Variants in ZNRF3 observed in about 807,000 individuals in gnomAD.
ZNRF3 encodes E3 ubiquitin-protein ligase ZNRF3.
A neutral mutation model predicts 72.5 loss-of-function variants in ZNRF3; 23 were observed. That is an observed-to-expected ratio of 0.32 (90% CI 0.23 to 0.45). The LOEUF is 0.45. Among genes scored for constraint, ZNRF3 ranks in the 20% least tolerant of loss-of-function variants. The probability of loss-of-function intolerance (pLI) is 1.00; values close to 1 mark genes in which losing one functional copy is unlikely to be tolerated. For missense variants in ZNRF3, 1,169 were observed against 1,272.1 expected (o/e 0.92, Z 1.23); for synonymous variants, 610 against 545.3 (o/e 1.12, Z -1.65).
At chr22:29,005,954 A>C (rs1197798689) in intron 2 of ZNRF3, among the ~76,000 whole-genome samples, 2 of 151,764 alleles carry the variant, frequency 1.3e-5, no homozygotes, top group Non-Finnish European at 1.5e-5. Flanking sequence ...GAATCGCTTG[A>C]ACCCTGGAGG....
Position 29,054,217 on chromosome 22 carries a change from T to C in ZNRF3, c.*595T>C, listed in dbSNP as rs1439230602. 1 of 152,490 alleles carries C rather than the reference T, an allele frequency of 6.6e-6. No individual in the cohort carries two copies. Among genetic ancestry groups the C allele is most frequent in the African/African-American group, 2.4e-5 (1 of 41,554 alleles). 9.4% of individuals were successfully genotyped at this position (152,490 alleles called of 1,614,324 possible). A position where few individuals can be genotyped will look rare whatever the true frequency, so the allele number is the denominator to read the frequency against. On this transcript the variant is annotated 3_prime_UTR_variant, in exon 9 of 9. Transcript: ENST00000544604. Reference sequence around the variant, plus strand: ...CTTTCTTTCTCGTGGCAAATCCCAATGTACACGATTTCAGGTCTCAGACGC... The same window carrying C: ...CTTTCTTTCTCGTGGCAAATCCCAACGTACACGATTTCAGGTCTCAGACGC...
chr22:28,987,901 C>G (rs545901319), intron 2 of ZNRF3, among the ~76,000 whole-genome samples: 1 of 152,272 alleles, frequency 6.6e-6, no homozygotes, highest in Admixed American at 6.5e-5. Flanking sequence ...AGATGAGATG[C>G]AAACGCCTCA....
chr22:28,991,053 G>T lies in ZNRF3; in HGVS notation c.426+3852G>T, dbSNP rs187690005. On this transcript the variant is annotated intron_variant, in intron 2 of 8. Coordinates refer to ENST00000544604, the MANE Select transcript of ZNRF3 (RefSeq NM_001206998.2). ...TCCTAGTACTGTGGGAGGCTGAGGCGCGCCGATTGCATGAGCTCAGGGATT... is the reference window on the plus strand; with the variant it reads ...TCCTAGTACTGTGGGAGGCTGAGGCTCGCCGATTGCATGAGCTCAGGGATT... Among the ~76,000 whole-genome samples the T allele has an allele frequency of 1.0e-3, 154 of 151,954 alleles. 2 individuals are homozygous for T. Among genetic ancestry groups the T allele is most frequent in the Non-Finnish European group, 1.8e-3 (120 of 67,962 alleles).
intron 1 of ZNRF3, among the ~76,000 whole-genome samples, chr22:28,901,635 CTTTT>C (rs132532): frequency 6.7e-5 from 5 of 74,802 alleles, no homozygotes; most frequent in East Asian, 3.8e-4. Context: ...ATGGATGGAC[CTTTT>C]TTTTTTTTTT....
intron 2 of ZNRF3, among the ~76,000 whole-genome samples, chr22:28,990,727 C>G (rs1347047124): frequency 3.9e-5 from 6 of 152,032 alleles, no homozygotes; most frequent in Non-Finnish European, 7.4e-5. Flanking sequence ...TTAAACCATC[C>G]CCAAAGCAAA....
chr22:29,024,751 C>T (rs1256840212), intron 2 of ZNRF3, among the ~76,000 whole-genome samples: 1 of 151,894 alleles, frequency 6.6e-6, no homozygotes, highest in Non-Finnish European at 1.5e-5. Context: ...CAGGACTGGG[C>T]CTTGGTGTAG....
chr22:28,960,120 A>G (rs1342090985), intron 1 of ZNRF3, among the ~76,000 whole-genome samples: 2 of 152,198 alleles, frequency 1.3e-5, no homozygotes, highest in Admixed American at 6.5e-5. Context: ...GTCATTTTCA[A>G]GGTGTTCTGT....
In ZNRF3 at chr22:29,050,859, C is replaced by T. The variant is rs1212294877; in HGVS notation, c.2678C>T (p.Pro893Leu). ...AGGGCCCTACTGCGGCCTGGCTGCC[C>T]TCCGGAGGAGGCGGGTGCTGTCAGG... The part of the protein sequence containing the change: ...QARALLRPGC[P>L]PEEAGAVRAN... Residue 893 changes from proline to leucine, a missense_variant, in exon 8 of 9, where the codon CCT becomes CTT. Pro to Leu is a moderately conservative substitution (Grantham distance 98). Transcript: ENST00000544604. 1.9e-6 allele frequency: 3 copies of T among 1,601,696 alleles called. No individual in the cohort carries two copies. Among genetic ancestry groups the T allele is most frequent in the African/African-American group, 2.7e-5 (2 of 74,726 alleles).
intron 1 of ZNRF3, among the ~76,000 whole-genome samples, chr22:28,892,247 G>C (rs2033901707): frequency 6.6e-6 from 1 of 152,232 alleles, no homozygotes; most frequent in Non-Finnish European, 1.5e-5. Context: ...GAACACAAGA[G>C]TAAGACTTGG....
intron 1 of ZNRF3, among the ~76,000 whole-genome samples, chr22:28,978,835 C>T (rs1439515564): frequency 6.6e-6 from 1 of 152,046 alleles, no homozygotes; most frequent in Non-Finnish European, 1.5e-5. Context: ...ATTTATTGAC[C>T]TCCTCCTGTA....
intron 2 of ZNRF3, among the ~76,000 whole-genome samples, chr22:29,014,175 G>C (rs2036393277): frequency 6.6e-6 from 1 of 152,114 alleles, no homozygotes; most frequent in African/African-American, 2.4e-5. Flanking sequence ...ACAACAGCAA[G>C]GATCCCAGCC....
At chr22:29,045,583 G>A (rs1436240947) in intron 5 of ZNRF3, among the ~76,000 whole-genome samples, 2 of 152,070 alleles carry the variant, frequency 1.3e-5, no homozygotes, top group East Asian at 3.9e-4. Context: ...CCACCTCCCG[G>A]GGTCAACTGA....
At chr22:28,928,084 G>A (rs1262500856) in intron 1 of ZNRF3, among the ~76,000 whole-genome samples, 2 of 152,190 alleles carry the variant, frequency 1.3e-5, no homozygotes, top group Admixed American at 1.3e-4. Context: ...ACAGTTTAGA[G>A]CCAGTGGATA....
chr22:28,958,742 C>G (rs1247195833), intron 1 of ZNRF3, among the ~76,000 whole-genome samples: 1 of 152,194 alleles, frequency 6.6e-6, no homozygotes, highest in East Asian at 1.9e-4. Flanking sequence ...TCCTTGTGTA[C>G]CAATCACCCA....
In ZNRF3 at chr22:29,050,596, T is replaced by C. The variant is rs779174815; in HGVS notation, c.2415T>C (p.Ser805=). The C allele has an allele frequency of 3.1e-6, 5 of 1,608,366 alleles. No individual in the cohort carries two copies. Among genetic ancestry groups the C allele is most frequent in the African/African-American group, 2.7e-5 (2 of 74,694 alleles). ...SGCYTEDYSV[S]VQYTLTEEPP... ...GCTACACTGAGGACTACTCGGTGAGTGTGCAGTACACGCTCACCGAGGAAC... is the reference window on the plus strand; with the variant it reads ...GCTACACTGAGGACTACTCGGTGAGCGTGCAGTACACGCTCACCGAGGAAC... The change falls in exon 8 of 9, where the codon AGT becomes AGC. Residue 805 remains serine, a synonymous_variant. Coordinates refer to ENST00000544604, the MANE Select transcript of ZNRF3 (RefSeq NM_001206998.2).
intron 1 of ZNRF3, among the ~76,000 whole-genome samples, chr22:28,891,613 T>C (rs1258209643): frequency 6.6e-6 from 1 of 152,284 alleles, no homozygotes; most frequent in African/African-American, 2.4e-5. Context: ...TTAGTGCAGC[T>C]GAGGTTCAAA....
In ZNRF3 at chr22:29,057,218, A is replaced by G. The variant is rs970733784; in HGVS notation, c.*3596A>G. On this transcript the variant is annotated 3_prime_UTR_variant, in exon 9 of 9. Coordinates refer to ENST00000544604, the MANE Select transcript of ZNRF3 (RefSeq NM_001206998.2). ...TATGTATATTCTGTATATGTATAGC[A>G]GCACATTTCATTTATGGAAATATGT... is the stretch of plus-strand genomic sequence containing the variant. 1 of 152,234 alleles carries G rather than the reference A, an allele frequency of 6.6e-6. No homozygotes were observed. Among genetic ancestry groups the G allele is most frequent in the East Asian group, 1.9e-4 (1 of 5,204 alleles). 9.4% of individuals were successfully genotyped at this position (152,234 alleles called of 1,614,324 possible).
In ZNRF3 at chr22:28,890,715, A is replaced by G. The variant is rs140518213; in HGVS notation, c.300+6649A>G. ...GCATTCAGTATCATCGTTAACCTAAATATATGCCATGTGAAAAACTTTGCT... is the reference window on the plus strand; with the variant it reads ...GCATTCAGTATCATCGTTAACCTAAGTATATGCCATGTGAAAAACTTTGCT... On this transcript the variant is annotated intron_variant, in intron 1 of 8. Transcript: ENST00000544604. 7.9e-3 allele frequency among the ~76,000 whole-genome samples: 1,208 copies of G among 152,130 alleles called. 18 individuals carry two copies. Among genetic ancestry groups the G allele is most frequent in the African/African-American group, 0.028 (1,158 of 41,496 alleles).
intron 2 of ZNRF3, among the ~76,000 whole-genome samples, chr22:29,002,480 C>T (rs1384817472): frequency 6.6e-6 from 1 of 152,206 alleles, no homozygotes; most frequent in Non-Finnish European, 1.5e-5. Context: ...TAACAGCTGT[C>T]AGTAAGCTTC....
Sources: gnomAD v4.1 joint callset for allele counts (sites outside exome capture counted in the v4.1 genomes callset) on GRCh38, gnomAD v4.1.1 for gene constraint, MANE v1.5 for transcripts, NCBI Gene and HGNC (gene_info 2026-07-23, HGNC 2026-07-21) for gene names.